The following PSD3 variants were observed in gnomAD, a reference collection of about 807,000 sequenced individuals.
PSD3 encodes PH and SEC7 domain-containing protein 3.
A neutral mutation model predicts 105.5 loss-of-function variants in PSD3; 49 were observed. The ratio of observed to expected loss-of-function variants is 0.46; its 90% confidence interval spans 0.37 to 0.59. The LOEUF is 0.59. Ranked by LOEUF, PSD3 falls within the 20% of genes least tolerant of loss-of-function variation. The pLI, the probability that PSD3 is intolerant of heterozygous loss-of-function variation, is 0.00. For missense variants in PSD3, 1,561 were observed against 1,263.8 expected, an observed-to-expected ratio of 1.24 and a Z score of -3.57; for synonymous variants, 557 against 457.8, an observed-to-expected ratio of 1.22 and a Z score of -2.77.
intron 14 of PSD3, among the ~76,000 whole-genome samples, chr8:18,565,889 T>C (rs1585255514): frequency 1.3e-5 from 2 of 152,124 alleles, no homozygotes; most frequent in East Asian, 3.9e-4. Context: ...TATTGGCATC[T>C]AGTGGGTAGA....
chr8:18,783,410 C>G (rs1391841498), intron 8 of PSD3, among the ~76,000 whole-genome samples: 1 of 152,114 alleles, frequency 6.6e-6, no homozygotes, highest in East Asian at 1.9e-4. Flanking sequence ...AAACAAGCTT[C>G]TGATTTCATT....
intron 11 of PSD3, among the ~76,000 whole-genome samples, chr8:18,614,513 T>C (rs1036705865): frequency 6.6e-6 from 1 of 151,838 alleles, no homozygotes; most frequent in Non-Finnish European, 1.5e-5. Flanking sequence ...CAATAAGACA[T>C]TGAATATGGG....
chr8:18,732,067 G>T (rs1343668834), intron 9 of PSD3, among the ~76,000 whole-genome samples: 1 of 151,888 alleles, frequency 6.6e-6, no homozygotes, highest in Non-Finnish European at 1.5e-5. Context: ...GAAGAAAATG[G>T]TATCACTGTG....
chr8:18,713,386 T>C (rs1802377219), intron 9 of PSD3, among the ~76,000 whole-genome samples: 1 of 152,172 alleles, frequency 6.6e-6, no homozygotes, highest in Non-Finnish European at 1.5e-5. Flanking sequence ...GAAAACACCA[T>C]TATCTCAGCT....
At chr8:18,873,413 T>C (rs1453347211) in intron 2 of PSD3, among the ~76,000 whole-genome samples, 2 of 152,078 alleles carry the variant, frequency 1.3e-5, no homozygotes, top group Non-Finnish European at 2.9e-5. Flanking sequence ...ATTTTCCCAA[T>C]TGACAAAAGT....
intron 9 of PSD3, among the ~76,000 whole-genome samples, chr8:18,678,581 G>C (rs1253848622): frequency 6.6e-6 from 1 of 152,232 alleles, no homozygotes; most frequent in African/African-American, 2.4e-5. Flanking sequence ...GGAGGCCTAA[G>C]TGGGCGGATC....
intron 9 of PSD3, among the ~76,000 whole-genome samples, chr8:18,722,848 C>T (rs888588082): frequency 6.6e-6 from 1 of 152,146 alleles, no homozygotes; most frequent in Non-Finnish European, 1.5e-5. Flanking sequence ...GTACAATATG[C>T]CCTCCAAACT....
In PSD3 at chr8:18,829,070, T is replaced by TA. The variant is rs903903711; in HGVS notation, c.1635-24173dup. The stretch of plus-strand genomic sequence containing the variant: ...CCTGGGCGACAGAGTGAGACTCCGT[T>TA]AAAAAAAAAATACTGAAAATTTAAA... On this transcript the variant is annotated intron_variant, in intron 4 of 15. Transcript: ENST00000327040. 2.5e-3 allele frequency among the ~76,000 whole-genome samples: 375 copies of TA among 149,308 alleles called. 1 individual carries two copies. The highest frequency in any genetic ancestry group is 4.0e-3 in the South Asian group (19 of 4,702).
chr8:19,069,092 T>C (rs1288787777), intron 1 of PSD3, among the ~76,000 whole-genome samples: 4 of 152,188 alleles, frequency 2.6e-5, no homozygotes, highest in Non-Finnish European at 5.9e-5. Flanking sequence ...TTAAACTGTC[T>C]AAATTCAGCA....
intron 4 of PSD3, among the ~76,000 whole-genome samples, chr8:18,860,948 C>T (rs995018095): frequency 7.2e-5 from 11 of 151,974 alleles, no homozygotes; most frequent in African/African-American, 2.4e-4. Context: ...TAACAGGCGC[C>T]GCACCATGCT....
In PSD3 at chr8:18,534,302, TAC is replaced by T. The variant is rs1393413192; in HGVS notation, c.*1439_*1440del. On this transcript the variant is annotated 3_prime_UTR_variant, in exon 16 of 16. Coordinates refer to ENST00000327040, the MANE Select transcript of PSD3 (RefSeq NM_015310.4). ...TTGCGGAGATTTTAACTTTAGGGATTACAGAGTTTCAAGGTTAGGAAATCACA... is the reference window on the plus strand; with the variant it reads ...TTGCGGAGATTTTAACTTTAGGGATTAGAGTTTCAAGGTTAGGAAATCACA... 6.6e-6 allele frequency: 1 copy of T among 152,612 alleles called. No homozygotes were observed. The highest frequency in any genetic ancestry group is 2.4e-5 in the African/African-American group (1 of 41,438). The allele number at this position is 152,612 out of a possible 1,614,324, so 9.5% of individuals were successfully genotyped here.
intron 1 of PSD3, among the ~76,000 whole-genome samples, chr8:18,973,539 C>T (rs1446020984): frequency 3.9e-5 from 6 of 152,140 alleles, no homozygotes; most frequent in Non-Finnish European, 5.9e-5. Flanking sequence ...ATTAGGGGCC[C>T]ATCCTTATGA....
intron 1 of PSD3, among the ~76,000 whole-genome samples, chr8:18,942,017 C>T (rs776047683): frequency 6.6e-6 from 1 of 151,846 alleles, no homozygotes; most frequent in Non-Finnish European, 1.5e-5. Flanking sequence ...GTAAAAAAAT[C>T]AAAAAGACGA....
chr8:18,577,977 T>G (rs1258869102), intron 12 of PSD3, among the ~76,000 whole-genome samples: 2 of 152,094 alleles, frequency 1.3e-5, no homozygotes, highest in African/African-American at 4.8e-5. Context: ...TATCCTCAAG[T>G]ATCTTTCATT....
intron 2 of PSD3, among the ~76,000 whole-genome samples, chr8:18,915,849 C>T (rs1820546226): frequency 6.6e-6 from 1 of 152,102 alleles, no homozygotes. Context: ...AATCCCAGCA[C>T]TTTGGGAGGC....
chr8:18,764,895 C>T (rs999543243), intron 9 of PSD3, among the ~76,000 whole-genome samples: 2 of 152,254 alleles, frequency 1.3e-5, no homozygotes, highest in East Asian at 3.9e-4. Context: ...TGCATGAATT[C>T]CAAAGTTGAT....
At chr8:18,694,216 G>A (rs1230155834) in intron 9 of PSD3, among the ~76,000 whole-genome samples, 1 of 152,092 alleles carries the variant, frequency 6.6e-6, no homozygotes, top group Non-Finnish European at 1.5e-5. Flanking sequence ...ACACCCACCT[G>A]AGCCCTAACC....
intron 1 of PSD3, among the ~76,000 whole-genome samples, chr8:19,044,088 C>A (rs1828230356): frequency 6.6e-6 from 1 of 152,208 alleles, no homozygotes; most frequent in South Asian, 2.1e-4. Context: ...CTGGTTCAGC[C>A]ACAGTCAGAA....
At chr8:18,698,842 G>T (rs371489101) in intron 9 of PSD3, among the ~76,000 whole-genome samples, 1 of 152,048 alleles carries the variant, frequency 6.6e-6, no homozygotes, top group Non-Finnish European at 1.5e-5. Flanking sequence ...TTATATGCAG[G>T]AACAATAATA....
Sources: allele counts gnomAD v4.1 joint callset (sites outside exome capture counted in the v4.1 genomes callset), GRCh38; gene constraint gnomAD v4.1.1; transcripts MANE v1.5; gene names NCBI Gene and HGNC (gene_info 2026-07-23, HGNC 2026-07-21).